HIP1: variants seen among roughly 807,000 people sequenced by gnomAD.
HIP1 encodes huntingtin interacting protein 1.
Under a neutral mutation model 147.6 loss-of-function variants are expected in HIP1, and 65 were observed. That is an observed-to-expected ratio of 0.44 (90% CI 0.36 to 0.54). The LOEUF is 0.54. HIP1 is among the 20% of genes least tolerant of loss of function. The pLI is 0.00. For missense variants in HIP1, 1,061 were observed against 1,299.6 expected, an observed-to-expected ratio of 0.82 and a Z score of 2.82; for synonymous variants, 479 against 504.0, an observed-to-expected ratio of 0.95 and a Z score of 0.67.
At chr7:75,656,645 T>C (rs1320246067) in intron 1 of HIP1, among the ~76,000 whole-genome samples, 1 of 151,996 alleles carries the variant, frequency 6.6e-6, no homozygotes, top group Non-Finnish European at 1.5e-5. Flanking sequence ...ACCTGGCTAA[T>C]TTTATATTTT....
intron 7 of HIP1, among the ~76,000 whole-genome samples, chr7:75,578,084 C>T (rs1226501917): frequency 1.3e-5 from 2 of 152,186 alleles, no homozygotes; most frequent in African/African-American, 4.8e-5. Context: ...ACCACCTCTA[C>T]CCCTTACTCA....
chr7:75,731,492 A>C (rs1411235357), intron 1 of HIP1, among the ~76,000 whole-genome samples: 6 of 151,706 alleles, frequency 4.0e-5, no homozygotes, highest in East Asian at 3.9e-4. Flanking sequence ...AAAAAAAAAA[A>C]AAAAAAACGC....
At chr7:75,581,450 G>T in intron 6 of HIP1, 152 bp from the exon 7 acceptor site, 1 of 636,238 alleles carries the variant, frequency 1.6e-6, no homozygotes, top group South Asian at 1.8e-5. Context: ...TTAGCCTTGT[G>T]GGTATTATGG....
chr7:75,721,570 T>C (rs781995963), intron 1 of HIP1, among the ~76,000 whole-genome samples: 35 of 152,042 alleles, frequency 2.3e-4, no homozygotes, highest in Non-Finnish European at 4.1e-4. Context: ...ATTTTTGTTA[T>C]ATGCTACAAG....
chr7:75,653,058 T>A (rs1222689770), intron 1 of HIP1, among the ~76,000 whole-genome samples: 2 of 152,124 alleles, frequency 1.3e-5, no homozygotes, highest in Non-Finnish European at 2.9e-5. Context: ...TGTGGGTGTG[T>A]CAGTGAGGGT....
Position 75,542,957 on chromosome 7 carries a change from G to A in HIP1, c.2784C>T (p.Asp928=). The A allele has an allele frequency of 6.2e-7, 1 of 1,613,494 alleles. No homozygotes were observed. The highest frequency in any genetic ancestry group is 8.5e-7 in the Non-Finnish European group (1 of 1,179,704). Residue 928 remains aspartate, a synonymous_variant, in exon 28 of 31, where the codon GAC becomes GAT. Transcript: ENST00000336926. ...GCTGCAGCTGGGCTAGGTTGGGGCT[G>A]TCCTTATCAGCTTTCACCTACCAGG... The part of the protein sequence containing the change: ...VAASKVKADK[D]SPNLAQLQQA...
At chr7:75,549,713 G>T (rs1794709793) in intron 22 of HIP1, among the ~76,000 whole-genome samples, 1 of 151,416 alleles carries the variant, frequency 6.6e-6, no homozygotes, top group African/African-American at 2.4e-5. Context: ...CCTGTCACCA[G>T]AGATGGAGTG....
At position 75,559,834 on chromosome 7, in the gene HIP1, G is replaced by A; in HGVS notation, c.1273C>T (p.Gln425Ter). The change falls in exon 14 of 31, where the codon CAG becomes TAG. Residue 425 changes from glutamine to a stop codon, truncating the protein, a stop_gained. Transcript: ENST00000336926. LOFTEE classifies it high-confidence loss of function. Reference sequence around the variant, plus strand: ...AGGAATTCACAGTCGTCGGCCGCCTGCTGCCGCAGGTGCTGCTGCTCGGCC... The same window carrying A: ...AGGAATTCACAGTCGTCGGCCGCCTACTGCCGCAGGTGCTGCTGCTCGGCC... ...DLAEQQHLRQ[Q>*]AADDCEFLRA... The A allele has an allele frequency of 6.2e-7, 1 of 1,612,658 alleles. No individual in the cohort carries two copies. Among genetic ancestry groups the A allele is most frequent in the Non-Finnish European group, 8.5e-7 (1 of 1,179,890 alleles).
Position 75,559,725 on chromosome 7 carries a change from C to CCCCCCCA in HIP1, c.1375+6_1375+7insTGGGGGG. The CCCCCCCA allele has an allele frequency of 6.6e-7, 1 of 1,514,200 alleles. No homozygotes were observed. The highest frequency in any genetic ancestry group is 8.8e-7 in the Non-Finnish European group (1 of 1,134,752). The allele number at this position is 1,514,200 out of a possible 1,614,324, so 93.8% of individuals were successfully genotyped here. On this transcript the variant is annotated splice_region_variant and intron_variant, in intron 14 of 30. Transcript: ENST00000336926. The stretch of plus-strand genomic sequence containing the variant: ...GGGGCCCGCCCCCGCCCCCACCCAC[C>CCCCCCCA]GCTCACTTTCTATCTCAGACAGGCT...
Position 75,556,888 on chromosome 7 carries a change from A to G in HIP1, c.1582-77T>C, listed in dbSNP as rs782476411. On this transcript the variant is annotated intron_variant, in intron 16 of 30. Coordinates refer to ENST00000336926, the MANE Select transcript of HIP1 (RefSeq NM_005338.7). ...AATATAAAAATGTAAAAACGTCCCA[A>G]GCGATCAACAAGAGATCTGTAAACT... 6 of 894,650 alleles carry G rather than the reference A, an allele frequency of 6.7e-6. No individual in the cohort carries two copies. The African/African-American group carries it at 1.0e-4, about 15-fold the overall frequency. The allele number at this position is 894,650 out of a possible 1,614,324, so 55.4% of individuals were successfully genotyped here.
chr7:75,671,204 C>T lies in HIP1; in HGVS notation c.120+67597G>A, dbSNP rs529838429. Among the ~76,000 whole-genome samples the T allele has an allele frequency of 2.3e-4, 35 of 152,270 alleles. No homozygotes were observed. In the South Asian group the frequency reaches 6.8e-3, roughly 30 times the overall value. On this transcript the variant is annotated intron_variant, in intron 1 of 30. Transcript: ENST00000336926. ...CCCCTCCCGGGTTCGAGTGATTCTC[C>T]TGCCTCAGCCTCCTGAGTAGCTGGT... is the stretch of plus-strand genomic sequence containing the variant.
chr7:75,595,759 G>A (rs1796719342), intron 2 of HIP1, among the ~76,000 whole-genome samples: 1 of 151,890 alleles, frequency 6.6e-6, no homozygotes, highest in Non-Finnish European at 1.5e-5. Context: ...TCCATTCAGG[G>A]AGAAAAAAAA....
intron 1 of HIP1, among the ~76,000 whole-genome samples, chr7:75,611,343 T>C (rs1797426580): frequency 6.6e-6 from 1 of 151,718 alleles, no homozygotes; most frequent in African/African-American, 2.4e-5. Context: ...GGTGCGTGCC[T>C]GTAGTCCCAG....
At chr7:75,660,018 C>T (rs1401986197) in intron 1 of HIP1, among the ~76,000 whole-genome samples, 17 of 150,540 alleles carry the variant, frequency 1.1e-4, no homozygotes, top group South Asian at 1.1e-3. Context: ...CCCAGCTACT[C>T]GGGAGGCTGA....
chr7:75,602,303 CTTTT>C (rs67019261), intron 1 of HIP1, among the ~76,000 whole-genome samples: 3 of 77,266 alleles, frequency 3.9e-5, no homozygotes, highest in African/African-American at 1.7e-4. Flanking sequence ...ACCTGGCCAG[CTTTT>C]TTTTTTTTTT....
intron 1 of HIP1, among the ~76,000 whole-genome samples, chr7:75,684,468 A>G (rs1800193716): frequency 6.6e-6 from 1 of 151,296 alleles, no homozygotes; most frequent in Admixed American, 6.6e-5. Flanking sequence ...AAAAAAAAAA[A>G]AAAGTACATA....
chr7:75,599,071 C>T, intron 2 of HIP1, 113 bp downstream of exon 2: 1 of 763,818 alleles, frequency 1.3e-6, no homozygotes, highest in East Asian at 2.5e-5. Context: ...GGGACCTGGC[C>T]TGTGCAGGGT....
At chr7:75,539,670 C>T (rs782350296) in intron 29 of HIP1, among the ~76,000 whole-genome samples, 1 of 152,142 alleles carries the variant, frequency 6.6e-6, no homozygotes, top group South Asian at 2.1e-4. Context: ...GTGAATTCCT[C>T]TTCTTCCATA....
intron 5 of HIP1, among the ~76,000 whole-genome samples, chr7:75,585,477 CA>C (rs1265975083): frequency 6.6e-6 from 1 of 151,842 alleles, no homozygotes; most frequent in Non-Finnish European, 1.5e-5. Context: ...CGCCCAACCC[CA>C]AAACATCTTA....
Sources: gnomAD v4.1 joint callset for allele counts (sites outside exome capture counted in the v4.1 genomes callset) on GRCh38, gnomAD v4.1.1 for gene constraint, MANE v1.5 for transcripts, NCBI Gene and HGNC (gene_info 2026-07-23, HGNC 2026-07-21) for gene names.